The following TENT5A variants were observed in gnomAD, a reference collection of about 807,000 sequenced individuals.
The protein encoded by TENT5A is terminal nucleotidyltransferase 5A, also known as HBV X-transactivated gene 11 protein.
A neutral mutation model predicts 30.2 loss-of-function variants in TENT5A; 9 were observed. That is an observed-to-expected ratio of 0.30 (90% CI 0.18 to 0.52). The LOEUF is 0.52. TENT5A is among the 20% of genes least tolerant of loss of function. The probability of loss-of-function intolerance (pLI) is 0.97; values close to 1 mark genes in which losing one functional copy is unlikely to be tolerated. For synonymous variants in TENT5A, 264 were observed against 234.2 expected, an observed-to-expected ratio of 1.13 and a Z score of -1.16; for missense variants, 411 against 566.1, an observed-to-expected ratio of 0.73 and a Z score of 2.78.
chr6:81,751,351 G>A (rs1207781523), intron 2 of TENT5A, among the ~76,000 whole-genome samples: 1 of 152,080 alleles, frequency 6.6e-6, no homozygotes, highest in Non-Finnish European at 1.5e-5. Context: ...GAGAAGAGAG[G>A]GCAGAGGAGG....
chr6:81,751,740 G>A lies in TENT5A; in HGVS notation c.402C>T (p.Gly134=). The A allele has an allele frequency of 6.2e-7, 1 of 1,613,792 alleles. No individual in the cohort carries two copies. Among genetic ancestry groups the A allele is most frequent in the East Asian group, 2.2e-5 (1 of 44,866 alleles). ...AASHVLHQDS[G]LGYKDLDLIF... ...TGAGGTCCAGGTCCTTGTAGCCCAG[G>A]CCGCTGTCCTGGTGCAGGACATGGC... is the stretch of plus-strand genomic sequence containing the variant. The change falls in exon 2 of 3, where the codon GGC becomes GGT. Residue 134 remains glycine (G), a synonymous_variant. Transcript: ENST00000320172.
At position 81,749,491 on chromosome 6, in the gene TENT5A, A is replaced by C; in HGVS notation, c.*204T>G. 7.5e-7 allele frequency: 1 copy of C among 1,331,224 alleles called. No individual in the cohort carries two copies. The highest frequency in any genetic ancestry group is 2.8e-4 in the Middle Eastern group (1 of 3,512). 82.5% of individuals were successfully genotyped at this position (1,331,224 alleles called of 1,614,324 possible). A position where few individuals can be genotyped will look rare whatever the true frequency, so the allele number is the denominator to read the frequency against. On this transcript the variant is annotated 3_prime_UTR_variant, in exon 3 of 3. Coordinates refer to ENST00000320172, the MANE Select transcript of TENT5A (RefSeq NM_017633.3). ...TCCAATTGGGTAGGAGAATAAGAGA[A>C]GGGAAAAGGATCCTTTCGAGATCAT...
rs571159473 is a variant in TENT5A, at chr6:81,752,040, G to A, written c.102C>T (p.Gly34=). Residue 34 remains glycine (G), a synonymous_variant, in exon 2 of 3, where the codon GGC becomes GGT. Coordinates refer to ENST00000320172, the MANE Select transcript of TENT5A (RefSeq NM_017633.3). The part of the protein sequence containing the change: ...GGDFGGGDFG[G]GDFGGGDFGG... ...CGAAGTCGCCGCCGCCGAAGTCGCC[G>A]CCGCCGAAGTCGCCGCCGCCGAAGT... The A allele has an allele frequency of 1.9e-6, 3 of 1,580,666 alleles. No homozygotes were observed. Among genetic ancestry groups the A allele is most frequent in the Non-Finnish European group, 2.6e-6 (3 of 1,158,630 alleles).
Position 81,746,606 on chromosome 6 carries a change from T to A in TENT5A, c.*3089A>T. ...TTAAGTAAACCTTTAAAAACGGCAT[T>A]GTCACAGGCTATGTGTTCTCTGACA... On this transcript the variant is annotated 3_prime_UTR_variant, in exon 3 of 3. Coordinates refer to ENST00000320172, the MANE Select transcript of TENT5A (RefSeq NM_017633.3). 8.1e-7 allele frequency: 1 copy of A among 1,232,048 alleles called. No individual in the cohort carries two copies. The highest frequency in any genetic ancestry group is 1.0e-6 in the Non-Finnish European group (1 of 987,888). The allele number at this position is 1,232,048 out of a possible 1,614,324, so 76.3% of individuals were successfully genotyped here.
Position 81,746,400 on chromosome 6 carries a change from G to C in TENT5A, c.*3295C>G. 8.1e-7 allele frequency: 1 copy of C among 1,229,994 alleles called. No homozygotes were observed. Among genetic ancestry groups the C allele is most frequent in the Non-Finnish European group, 1.0e-6 (1 of 986,804 alleles). The allele number at this position is 1,229,994 out of a possible 1,614,324, so 76.2% of individuals were successfully genotyped here. On this transcript the variant is annotated 3_prime_UTR_variant, in exon 3 of 3. Transcript: ENST00000320172. ...CAAACAGAAAGGGGTGGTAAAAACA[G>C]TACGTTCACTTTTCATTTCCTTCCT...
chr6:81,747,713 G>A lies in TENT5A; in HGVS notation c.*1982C>T, dbSNP rs1389711212. 8.1e-6 allele frequency: 8 copies of A among 985,726 alleles called. No homozygotes were observed. Among genetic ancestry groups the A allele is most frequent in the Non-Finnish European group, 9.6e-6 (8 of 829,918 alleles). The allele number at this position is 985,726 out of a possible 1,614,324, so 61.1% of individuals were successfully genotyped here. On this transcript the variant is annotated 3_prime_UTR_variant, in exon 3 of 3. Coordinates refer to ENST00000320172, the MANE Select transcript of TENT5A (RefSeq NM_017633.3). ...TAGCAAGCAGTCATCCACTAAGGTTGTGGAGATTATGTGGTTGTTTCACAA... is the reference window on the plus strand; with the variant it reads ...TAGCAAGCAGTCATCCACTAAGGTTATGGAGATTATGTGGTTGTTTCACAA...
chr6:81,750,585 A>G lies in TENT5A; in HGVS notation c.553-114T>C. 1.4e-6 allele frequency: 1 copy of G among 700,038 alleles called. No homozygotes were observed. Among genetic ancestry groups the G allele is most frequent in the East Asian group, 2.9e-5 (1 of 34,372 alleles). The allele number at this position is 700,038 out of a possible 1,614,324, so 43.4% of individuals were successfully genotyped here. On this transcript the variant is annotated intron_variant, in intron 2 of 2. Transcript: ENST00000320172. The surrounding 1 kb of genome is among the most constrained non-coding windows in gnomAD (Gnocchi z 4.2). ...TTTGCTCTTTCCCTTTTGTTTTGTC[A>G]AGTTTCAGCCAAACACTACCTACAG...
In TENT5A at chr6:81,746,786, GCTCT is replaced by G; in HGVS notation, c.*2905_*2908del. 1 of 1,207,552 alleles carries G rather than the reference GCTCT, an allele frequency of 8.3e-7. No homozygotes were observed. The highest frequency in any genetic ancestry group is 1.0e-6 in the Non-Finnish European group (1 of 972,976). The allele number at this position is 1,207,552 out of a possible 1,614,324, so 74.8% of individuals were successfully genotyped here. A position where few individuals can be genotyped will look rare whatever the true frequency, so the allele number is the denominator to read the frequency against. ...TTCTTTTCTCTGACCTATACACATG[GCTCT>G]CTCTCACCAGACATTCAAATTTTTA... On this transcript the variant is annotated 3_prime_UTR_variant, in exon 3 of 3. Coordinates refer to ENST00000320172, the MANE Select transcript of TENT5A (RefSeq NM_017633.3).
In TENT5A at chr6:81,748,306, C is replaced by G; in HGVS notation, c.*1389G>C. ...TTTTTAATAAATGGGTTCCAACTGT[C>G]AAAATGGCAGTTCAATATAAAAAAG... On this transcript the variant is annotated 3_prime_UTR_variant, in exon 3 of 3. Transcript: ENST00000320172. 1.0e-6 allele frequency: 1 copy of G among 977,356 alleles called. No individual in the cohort carries two copies. The allele number at this position is 977,356 out of a possible 1,614,324, so 60.5% of individuals were successfully genotyped here. A position where few individuals can be genotyped will look rare whatever the true frequency, so the allele number is the denominator to read the frequency against.
chr6:81,749,408 G>C lies in TENT5A; in HGVS notation c.*287C>G, dbSNP rs1768979411. 1.7e-6 allele frequency: 2 copies of C among 1,159,408 alleles called. No individual in the cohort carries two copies. Among genetic ancestry groups the C allele is most frequent in the Admixed American group, 4.3e-5 (1 of 23,086 alleles). 71.8% of individuals were successfully genotyped at this position (1,159,408 alleles called of 1,614,324 possible). A position where few individuals can be genotyped will look rare whatever the true frequency, so the allele number is the denominator to read the frequency against. On this transcript the variant is annotated 3_prime_UTR_variant, in exon 3 of 3. Coordinates refer to ENST00000320172, the MANE Select transcript of TENT5A (RefSeq NM_017633.3). ...ATTGTCATCACACATTTCTTCTCTT[G>C]TATCAGGAGAACCTGGTTGCTTCTA...
chr6:81,752,215 C>G, intron 1 of TENT5A, 37 bp from the exon 2 acceptor site: 6 of 1,255,732 alleles, frequency 4.8e-6, no homozygotes, highest in Non-Finnish European at 5.2e-6. Flanking sequence ...TGAGGACGCG[C>G]GGCGGCGGAG....
Position 81,747,676 on chromosome 6 carries a change from G to C in TENT5A, c.*2019C>G, listed in dbSNP as rs575416611. ...ATGAAAATCTTCTAATTGGGTCTTC[G>C]AGGAATTATCATAGCAAGCAGTCAT... is the stretch of plus-strand genomic sequence containing the variant. On this transcript the variant is annotated 3_prime_UTR_variant, in exon 3 of 3. Transcript: ENST00000320172. 1 of 985,516 alleles carries C rather than the reference G, an allele frequency of 1.0e-6. No homozygotes were observed. The highest frequency in any genetic ancestry group is 1.2e-6 in the Non-Finnish European group (1 of 829,774). The allele number at this position is 985,516 out of a possible 1,614,324, so 61.0% of individuals were successfully genotyped here. A position where few individuals can be genotyped will look rare whatever the true frequency, so the allele number is the denominator to read the frequency against.
chr6:81,751,501 A>C lies in TENT5A; in HGVS notation c.552+89T>G, dbSNP rs2127726787. On this transcript the variant is annotated intron_variant, in intron 2 of 2. Coordinates refer to ENST00000320172, the MANE Select transcript of TENT5A (RefSeq NM_017633.3). Reference sequence around the variant, plus strand: ...CCAAACTCGTGATGGCCACAGATTCATGGCATTTAACCGATGCCCCTCTGC... The same window carrying C: ...CCAAACTCGTGATGGCCACAGATTCCTGGCATTTAACCGATGCCCCTCTGC... 3 of 1,205,556 alleles carry C rather than the reference A, an allele frequency of 2.5e-6. No individual in the cohort carries two copies. The Admixed American group carries it at 6.9e-5, about 28-fold the overall frequency. 74.7% of individuals were successfully genotyped at this position (1,205,556 alleles called of 1,614,324 possible). A position where few individuals can be genotyped will look rare whatever the true frequency, so the allele number is the denominator to read the frequency against.
chr6:81,746,076 TAGAA>T lies in TENT5A; in HGVS notation c.*3615_*3618del, dbSNP rs1768879567. 13 of 985,248 alleles carry T rather than the reference TAGAA, an allele frequency of 1.3e-5. No individual in the cohort carries two copies. Among genetic ancestry groups the T allele is most frequent in the Non-Finnish European group, 1.6e-5 (13 of 829,318 alleles). 61.0% of individuals were successfully genotyped at this position (985,248 alleles called of 1,614,324 possible). ...CTTTGTACTTTACCATTTGCTTTGT[TAGAA>T]AGCCATTATTTTAACAAAATATAAC... On this transcript the variant is annotated 3_prime_UTR_variant, in exon 3 of 3. Coordinates refer to ENST00000320172, the MANE Select transcript of TENT5A (RefSeq NM_017633.3).
rs1368316755 is a variant in TENT5A, at chr6:81,749,666, C to T, written c.*29G>A. The T allele has an allele frequency of 1.3e-6, 2 of 1,547,692 alleles. No homozygotes were observed. The highest frequency in any genetic ancestry group is 1.9e-5 in the Admixed American group (1 of 53,394). On this transcript the variant is annotated 3_prime_UTR_variant, in exon 3 of 3. Transcript: ENST00000320172. ...TTCTCTCCTGTCTTGTCTGAAATGG[C>T]TTCCCCACAGGACATTTTTAAATGA...
At position 81,746,338 on chromosome 6, in the gene TENT5A, AAAC is replaced by A; in HGVS notation, c.*3354_*3356del. ...ATTTATTTAACAAGCGTTGCATTGA[AAAC>A]AACTTTATGCACAGTGAAGCAACCA... On this transcript the variant is annotated 3_prime_UTR_variant, in exon 3 of 3. Coordinates refer to ENST00000320172, the MANE Select transcript of TENT5A (RefSeq NM_017633.3). The A allele has an allele frequency of 8.2e-7, 1 of 1,225,432 alleles. No individual in the cohort carries two copies. The highest frequency in any genetic ancestry group is 4.3e-5 in the South Asian group (1 of 23,432). The allele number at this position is 1,225,432 out of a possible 1,614,324, so 75.9% of individuals were successfully genotyped here. A position where few individuals can be genotyped will look rare whatever the true frequency, so the allele number is the denominator to read the frequency against.
In TENT5A at chr6:81,748,037, TATATATA is replaced by T. The variant is rs1054826178; in HGVS notation, c.*1651_*1657del. 72 of 957,544 alleles carry T rather than the reference TATATATA, an allele frequency of 7.5e-5. No individual in the cohort carries two copies. The highest frequency in any genetic ancestry group is 5.4e-4 in the Middle Eastern group (1 of 1,858). 59.3% of individuals were successfully genotyped at this position (957,544 alleles called of 1,614,324 possible). A position where few individuals can be genotyped will look rare whatever the true frequency, so the allele number is the denominator to read the frequency against. On this transcript the variant is annotated 3_prime_UTR_variant, in exon 3 of 3. Transcript: ENST00000320172. ...CATATTGACATGATTTATAAAATGT[TATATATA>T]ATATATATCTCATATATAAATTTTA... is the stretch of plus-strand genomic sequence containing the variant.
At position 81,749,575 on chromosome 6, in the gene TENT5A, C is replaced by A. The variant is rs985649196; in HGVS notation, c.*120G>T. 2.1e-6 allele frequency: 3 copies of A among 1,435,558 alleles called. No homozygotes were observed. The highest frequency in any genetic ancestry group is 5.7e-5 in the Admixed American group (2 of 35,396). 88.9% of individuals were successfully genotyped at this position (1,435,558 alleles called of 1,614,324 possible). A position where few individuals can be genotyped will look rare whatever the true frequency, so the allele number is the denominator to read the frequency against. On this transcript the variant is annotated 3_prime_UTR_variant, in exon 3 of 3. Coordinates refer to ENST00000320172, the MANE Select transcript of TENT5A (RefSeq NM_017633.3). Reference sequence around the variant, plus strand: ...GCCAAACTTAAAACCAGGAGCATATCATCATTGCACAAAACACATCCCTAA... The same window carrying A: ...GCCAAACTTAAAACCAGGAGCATATAATCATTGCACAAAACACATCCCTAA...
rs1248949154 is a variant in TENT5A, at chr6:81,749,638, T to C, written c.*57A>G. ...CACTCTTTTTTTTTTCTTTTTTTTT[T>C]TTTTCTCTCCTGTCTTGTCTGAAAT... is the stretch of plus-strand genomic sequence containing the variant. On this transcript the variant is annotated 3_prime_UTR_variant, in exon 3 of 3. Coordinates refer to ENST00000320172, the MANE Select transcript of TENT5A (RefSeq NM_017633.3). 7 of 1,485,470 alleles carry C rather than the reference T, an allele frequency of 4.7e-6. No homozygotes were observed. Among genetic ancestry groups the C allele is most frequent in the African/African-American group, 2.8e-5 (2 of 70,844 alleles). The allele number at this position is 1,485,470 out of a possible 1,614,324, so 92.0% of individuals were successfully genotyped here.
Sources: gnomAD v4.1 joint callset for allele counts (sites outside exome capture counted in the v4.1 genomes callset) on GRCh38, gnomAD v4.1.1 for gene constraint, Gnocchi (gnomAD v3.1) non-coding constraint, MANE v1.5 for transcripts, NCBI Gene and HGNC (gene_info 2026-07-23, HGNC 2026-07-21) for gene names.